Variants in CFH observed in about 807,000 individuals in gnomAD.
CFH encodes complement factor H.
Under a neutral mutation model 147.3 loss-of-function variants are expected in CFH, and 53 were observed. The ratio of observed to expected loss-of-function variants is 0.36; its 90% CI spans 0.29 to 0.45. CFH has a LOEUF of 0.45. CFH is among the 20% of genes least tolerant of loss of function. The probability of loss-of-function intolerance (pLI) is 1.00; values close to 1 mark genes in which losing one functional copy is unlikely to be tolerated. For missense variants in CFH, 1,380 were observed against 1,498.0 expected (o/e 0.92, Z 1.30); for synonymous variants, 536 against 489.4 (o/e 1.10, Z -1.26).
intron 15 of CFH, among the ~76,000 whole-genome samples, chr1:196,733,666 C>A (rs1426543050): frequency 6.6e-6 from 1 of 152,014 alleles, no homozygotes; most frequent in African/African-American, 2.4e-5. Context: ...GCCCTCTACT[C>A]CCAGAACTAA....
At chr1:196,700,300 C>T (rs1240057970) in intron 9 of CFH, among the ~76,000 whole-genome samples, 1 of 152,168 alleles carries the variant, frequency 6.6e-6, no homozygotes, top group Non-Finnish European at 1.5e-5. Context: ...GCAAACTCCA[C>T]TGTCTTGGTA....
intron 9 of CFH, chr1:196,701,627 C>T (rs4658046): frequency 0.65 from 266,691 of 408,790 alleles, 88,619 homozygotes; most frequent in East Asian, 0.94. Flanking sequence ...CTGACAATCT[C>T]GTAACTATTT....
intron 10 of CFH, among the ~76,000 whole-genome samples, chr1:196,715,153 G>A (rs35688523): frequency 0.02 from 3,049 of 151,814 alleles, 95 homozygotes; most frequent in African/African-American, 0.069. Context: ...TTATTAAAGA[G>A]AAAATGTCTT....
At chr1:196,710,342 C>T (rs1435842367) in intron 9 of CFH, among the ~76,000 whole-genome samples, 2 of 152,064 alleles carry the variant, frequency 1.3e-5, no homozygotes, top group Non-Finnish European at 2.9e-5. Context: ...TGGTCTATTG[C>T]TAAACAGTGG....
chr1:196,744,609 T>C (rs1309173831), intron 20 of CFH, among the ~76,000 whole-genome samples: 1 of 152,158 alleles, frequency 6.6e-6, no homozygotes, highest in African/African-American at 2.4e-5. Context: ...CTTACTTTCA[T>C]GTAGATCCAT....
intron 1 of CFH, among the ~76,000 whole-genome samples, chr1:196,663,278 T>C (rs1029811401): frequency 3.9e-5 from 6 of 152,204 alleles, no homozygotes; most frequent in African/African-American, 9.7e-5. Flanking sequence ...CATGTGTGTC[T>C]CCATGTTGCA....
At chr1:196,665,547 A>G (rs1002459966) in intron 1 of CFH, among the ~76,000 whole-genome samples, 1 of 151,960 alleles carries the variant, frequency 6.6e-6, no homozygotes, top group Non-Finnish European at 1.5e-5. Context: ...TGTCTGTGCA[A>G]ATAAAGTAAG....
intron 1 of CFH, among the ~76,000 whole-genome samples, chr1:196,661,991 T>C (rs1056033108): frequency 1.3e-5 from 2 of 152,122 alleles, no homozygotes; most frequent in Non-Finnish European, 2.9e-5. Flanking sequence ...AAAAGGAAGA[T>C]TACAGACAGG....
chr1:196,742,691 A>C (rs953551629), intron 19 of CFH, among the ~76,000 whole-genome samples: 1 of 152,178 alleles, frequency 6.6e-6, no homozygotes, highest in African/African-American at 2.4e-5. Context: ...GTCTCAAAGT[A>C]AAACCCTGAA....
chr1:196,652,807 C>A (rs1666548284), intron 1 of CFH, among the ~76,000 whole-genome samples: 1 of 151,714 alleles, frequency 6.6e-6, no homozygotes, highest in Non-Finnish European at 1.5e-5. Flanking sequence ...TCTTGAAGAG[C>A]AGTCTTTTGG....
At chr1:196,744,599 C>T (rs1652937048) in intron 20 of CFH, among the ~76,000 whole-genome samples, 1 of 152,022 alleles carries the variant, frequency 6.6e-6, no homozygotes, top group African/African-American at 2.4e-5. Flanking sequence ...ATATGGAAAC[C>T]TTACTTTCAT....
intron 1 of CFH, among the ~76,000 whole-genome samples, chr1:196,668,922 G>T (rs562576764): frequency 6.6e-6 from 1 of 152,168 alleles, no homozygotes; most frequent in Non-Finnish European, 1.5e-5. Context: ...ACTGGGTAAT[G>T]GGCAGAGGTT....
intron 9 of CFH, among the ~76,000 whole-genome samples, chr1:196,691,329 T>C (rs970075515): frequency 9.2e-4 from 140 of 152,248 alleles, no homozygotes; most frequent in African/African-American, 3.2e-3. Flanking sequence ...CAAATGGGTA[T>C]TCTGAGATCT....
intron 1 of CFH, among the ~76,000 whole-genome samples, chr1:196,667,729 A>T (rs1452379085): frequency 6.6e-6 from 1 of 152,094 alleles, no homozygotes; most frequent in African/African-American, 2.4e-5. Context: ...ATTGCTACTT[A>T]CTTTTGCCTC....
At chr1:196,723,144 T>G (rs1669042059) in intron 11 of CFH, among the ~76,000 whole-genome samples, 1 of 152,134 alleles carries the variant, frequency 6.6e-6, no homozygotes, top group South Asian at 2.1e-4. Flanking sequence ...TAATACGCTG[T>G]TTTAAATCAT....
At chr1:196,662,844 G>T (rs1163148534) in intron 1 of CFH, among the ~76,000 whole-genome samples, 2 of 151,644 alleles carry the variant, frequency 1.3e-5, no homozygotes, top group Non-Finnish European at 2.9e-5. Flanking sequence ...TCACACCACT[G>T]CACTCCAGCC....
At chr1:196,731,673 G>A (rs1247465360) in intron 15 of CFH, among the ~76,000 whole-genome samples, 1 of 151,756 alleles carries the variant, frequency 6.6e-6, no homozygotes, top group Admixed American at 6.6e-5. Context: ...TTCTTGTAAG[G>A]CAGGAAAGTG....
chr1:196,714,668 T>TATAGAGAGAGAG (rs1362376856), intron 10 of CFH, among the ~76,000 whole-genome samples: 4 of 21,306 alleles, frequency 1.9e-4, no homozygotes, highest in Non-Finnish European at 2.5e-4. Context: ...TATATATATA[T>TATAGAGAGAGAG]AGAGAGAGAG....
At chr1:196,702,953 C>T (rs1429260826) in intron 9 of CFH, among the ~76,000 whole-genome samples, 1 of 151,992 alleles carries the variant, frequency 6.6e-6, no homozygotes. Flanking sequence ...GGATATTGAC[C>T]CAGAAGCCCC....
Sources: gnomAD v4.1 joint callset for allele counts (sites outside exome capture counted in the v4.1 genomes callset) on GRCh38, gnomAD v4.1.1 for gene constraint, MANE v1.5 for transcripts, NCBI Gene and HGNC (gene_info 2026-07-23, HGNC 2026-07-21) for gene names.